The following DGKH variants were observed in gnomAD, a reference collection of about 807,000 sequenced individuals.
DGKH encodes DAG kinase eta.
In DGKH, 90 loss-of-function variants were observed where a neutral mutation model predicts 159.3. That is an observed-to-expected ratio of 0.57 (90% CI 0.48 to 0.67). The LOEUF (loss-of-function observed/expected upper bound fraction) is 0.67, where lower values mean the gene tolerates loss of function less well. Ranked by LOEUF, DGKH falls within the 30% of genes least tolerant of loss-of-function variation. The pLI is 0.00. For synonymous variants in DGKH, 536 were observed against 553.8 expected, an observed-to-expected ratio of 0.97 and a Z score of 0.45; for missense variants, 1,181 against 1,506.1, an observed-to-expected ratio of 0.78 and a Z score of 3.57.
chr13:42,200,040 T>C (rs973456670), intron 20 of DGKH, 131 bp downstream of exon 20: 32 of 725,822 alleles, frequency 4.4e-5, no homozygotes, highest in Non-Finnish European at 6.7e-5. Flanking sequence ...ATGAATGTGA[T>C]TATCAACTTT....
intron 1 of DGKH, among the ~76,000 whole-genome samples, chr13:42,067,323 G>C (rs1454012406): frequency 6.6e-6 from 1 of 152,096 alleles, no homozygotes; most frequent in Non-Finnish European, 1.5e-5. Context: ...TATCAAATGA[G>C]AATAGTATAT....
At chr13:42,155,844 C>T in intron 5 of DGKH, 45 bp downstream of exon 5, 1 of 1,606,052 alleles carries the variant, frequency 6.2e-7, no homozygotes, top group Non-Finnish European at 8.5e-7. Context: ...AGTAACCATA[C>T]TGTAGACATG....
At chr13:42,072,009 A>G (rs1457229946) in intron 1 of DGKH, among the ~76,000 whole-genome samples, 2 of 152,160 alleles carry the variant, frequency 1.3e-5, no homozygotes, top group Non-Finnish European at 2.9e-5. Flanking sequence ...ATCACTACTC[A>G]GTGTTTATGT....
intron 21 of DGKH, among the ~76,000 whole-genome samples, chr13:42,207,011 C>CTTTCTTTCTTTCTTTCTT: frequency 7.2e-6 from 1 of 138,714 alleles, no homozygotes; most frequent in South Asian, 2.3e-4. Flanking sequence ...TTCTTTCTTT[C>CTTTCTTTCTTTCTTTCTT]TTTCTTTCTT....
In DGKH at chr13:42,189,182, C is replaced by G; in HGVS notation, c.1785C>G (p.Ser595Arg). 6.2e-7 allele frequency: 1 copy of G among 1,614,174 alleles called. No homozygotes were observed. Among genetic ancestry groups the G allele is most frequent in the Non-Finnish European group, 8.5e-7 (1 of 1,180,018 alleles). Residue 595 changes from serine to arginine, a missense_variant, in exon 15 of 30, where the codon AGC becomes AGG. By Grantham distance (110) the Ser-to-Arg change is moderately radical. Around this residue, in one of 5 missense-constraint regions of DGKH, gnomAD observed 257 missense variants for 281.5 expected, o/e 0.91. Transcript: ENST00000337343. The stretch of plus-strand genomic sequence containing the variant: ...CCAGTGAAGAGTCCCTGGGTGAAAG[C>G]AAAGAGCAGCTTGGGGATGACGTTA... ...ESSSEESLGE[S>R]KEQLGDDVTK... is the part of the protein sequence containing the mutation.
In DGKH at chr13:42,199,561, C is replaced by T. The variant is rs750954646; in HGVS notation, c.2286-5C>T. The T allele has an allele frequency of 2.6e-6, 4 of 1,560,382 alleles. No homozygotes were observed. The highest frequency in any genetic ancestry group is 3.5e-6 in the Non-Finnish European group (4 of 1,151,616). ...ACTTTGATGTACTTTTCCCTGTGAT[C>T]ATAGAGATGGATATTCAGAAAAATG... On this transcript the variant is annotated splice_region_variant and splice_polypyrimidine_tract_variant and intron_variant, in intron 18 of 29. Transcript: ENST00000337343.
At chr13:42,196,949 A>T (rs1594188442) in intron 17 of DGKH, among the ~76,000 whole-genome samples, 1 of 152,284 alleles carries the variant, frequency 6.6e-6, no homozygotes, top group Middle Eastern at 3.4e-3. Flanking sequence ...CTAACCCTAA[A>T]ACATCTTAGA....
At position 42,198,559 on chromosome 13, in the gene DGKH, G is replaced by A; in HGVS notation, c.2249G>A (p.Gly750Asp). 1 of 1,613,226 alleles carries A rather than the reference G, an allele frequency of 6.2e-7. No homozygotes were observed. Among genetic ancestry groups the A allele is most frequent in the Non-Finnish European group, 8.5e-7 (1 of 1,179,694 alleles). ...TTACTGGCAAACATTGATCCTTTTGGTGCCACGCCGTTTATTGACCCGGAT... is the reference window on the plus strand; with the variant it reads ...TTACTGGCAAACATTGATCCTTTTGATGCCACGCCGTTTATTGACCCGGAT... ...KMLLANIDPF[G>D]ATPFIDPDLD... The change falls in exon 18 of 30, where the codon GGT (glycine) becomes GAT (aspartate). Residue 750 changes from glycine to aspartate, a missense_variant. Physicochemically the swap from Gly to Asp is moderately conservative, Grantham distance 94 (BLOSUM62 -1). Coordinates refer to ENST00000337343, the MANE Select transcript of DGKH (RefSeq NM_178009.5).
intron 20 of DGKH, among the ~76,000 whole-genome samples, chr13:42,201,072 A>C (rs1365644894): frequency 1.3e-5 from 2 of 150,668 alleles, no homozygotes; most frequent in Non-Finnish European, 3.0e-5. Flanking sequence ...GGCTCACTGC[A>C]ACCTCTACCT....
intron 3 of DGKH, among the ~76,000 whole-genome samples, chr13:42,134,465 TAAC>T (rs1955359149): frequency 6.6e-6 from 1 of 152,262 alleles, no homozygotes; most frequent in Non-Finnish European, 1.5e-5. Flanking sequence ...TATTGCTGTA[TAAC>T]AACCAACCAC....
chr13:42,226,749 T>C (rs1041389208), intron 29 of DGKH, among the ~76,000 whole-genome samples: 5 of 151,362 alleles, frequency 3.3e-5, no homozygotes, highest in African/African-American at 1.2e-4. Flanking sequence ...CCCAGCTACT[T>C]GAGAGGCTGA....
intron 1 of DGKH, among the ~76,000 whole-genome samples, chr13:42,101,870 T>A (rs1954658487): frequency 6.6e-6 from 1 of 152,070 alleles, no homozygotes; most frequent in Non-Finnish European, 1.5e-5. Flanking sequence ...TTGTAGACAT[T>A]GGAAGAAGAG....
rs180687112 is a variant in DGKH at position 42,071,332 on chromosome 13, A to T, written c.192+22367A>T. Among the ~76,000 whole-genome samples, 211 of 152,360 alleles carry T rather than the reference A, an allele frequency of 1.4e-3. 1 individual carries two copies. Among genetic ancestry groups the T allele is most frequent in the Non-Finnish European group, 2.5e-3 (170 of 68,028 alleles). The stretch of plus-strand genomic sequence containing the variant: ...GAGAATTTAAAAGATTGCAGTACTC[A>T]TAGTTCAAGAAAGGGGCAGCAACTC... On this transcript the variant is annotated intron_variant, in intron 1 of 29. Coordinates refer to ENST00000337343, the MANE Select transcript of DGKH (RefSeq NM_178009.5).
At chr13:42,181,702 T>C (rs9525589) in intron 13 of DGKH, 269,680 of 536,688 alleles carry the variant, frequency 0.5, 71,660 homozygotes, top group Non-Finnish European at 0.58. Context: ...TGACCCAGTA[T>C]ATGCCCCACA....
chr13:42,159,918 C>A, intron 6 of DGKH, 93 bp from the exon 7 acceptor site: 1 of 1,577,708 alleles, frequency 6.3e-7, no homozygotes, highest in Non-Finnish European at 8.7e-7. Flanking sequence ...GTACTACTGA[C>A]CCTCTAGAGT....
intron 3 of DGKH, among the ~76,000 whole-genome samples, chr13:42,152,811 CAG>C (rs1398146867): frequency 2.0e-5 from 3 of 151,526 alleles, no homozygotes; most frequent in African/African-American, 7.3e-5. Context: ...GGACCTGTGA[CAG>C]GGGTGGGAGG....
chr13:42,044,804 G>T (rs1231887576), upstream of DGKH, among the ~76,000 whole-genome samples: 1 of 152,176 alleles, frequency 6.6e-6, no homozygotes, highest in Admixed American at 6.5e-5. Flanking sequence ...TCAAATTTCA[G>T]TGGAAATAGA....
chr13:42,189,349 C>T lies in DGKH; in HGVS notation c.1912+40C>T, dbSNP rs1405963025. ...ATTTAGCTTTGGAAGAAGTTGGCAGCATTTCTACTGCAAGCATAACGGAGT... is the reference window on the plus strand; with the variant it reads ...ATTTAGCTTTGGAAGAAGTTGGCAGTATTTCTACTGCAAGCATAACGGAGT... On this transcript the variant is annotated intron_variant, in intron 15 of 29. Transcript: ENST00000337343. 4.3e-6 allele frequency: 7 copies of T among 1,609,358 alleles called. No homozygotes were observed. The East Asian group carries it at 1.6e-4, about 36-fold the overall frequency.
chr13:42,098,391 G>A (rs550678886), intron 1 of DGKH, among the ~76,000 whole-genome samples: 1 of 152,112 alleles, frequency 6.6e-6, no homozygotes, highest in South Asian at 2.1e-4. Flanking sequence ...GGAGGCTGAG[G>A]CATGAGAATG....
Sources: allele counts gnomAD v4.1 joint callset (sites outside exome capture counted in the v4.1 genomes callset), GRCh38; gene constraint gnomAD v4.1.1; regional missense constraint gnomAD v4.1.1; transcripts MANE v1.5; gene names NCBI Gene and HGNC (gene_info 2026-07-23, HGNC 2026-07-21).